The following WDR17 variants were observed in gnomAD, a reference collection of about 807,000 sequenced individuals.
WDR17 encodes WD repeat domain 17.
WDR17 carries 143 observed loss-of-function variants against 161.7 expected under a neutral mutation model. The ratio of observed to expected loss-of-function variants is 0.88; its 90% confidence interval spans 0.77 to 1.02. The LOEUF (loss-of-function observed/expected upper bound fraction) is 1.02, where lower values mean the gene tolerates loss of function less well. WDR17 is among the 50% of genes least tolerant of loss of function. WDR17 has a pLI of 0.00. For missense variants in WDR17, 1,469 were observed against 1,520.9 expected, an observed-to-expected ratio of 0.97 and a Z score of 0.57; for synonymous variants, 517 against 515.6, an observed-to-expected ratio of 1.00 and a Z score of -0.04.
chr4:176,159,771 C>G (rs1048989724), intron 18 of WDR17, among the ~76,000 whole-genome samples: 1 of 152,142 alleles, frequency 6.6e-6, no homozygotes, highest in Non-Finnish European at 1.5e-5. Context: ...TATTTTATGT[C>G]ATGTTCTAAA....
intron 1 of WDR17, among the ~76,000 whole-genome samples, chr4:176,095,960 TG>T (rs1258205026): frequency 6.6e-6 from 1 of 152,136 alleles, no homozygotes; most frequent in Admixed American, 6.6e-5. Context: ...CTGTATTAAA[TG>T]GTGTCTTTAA....
At chr4:176,072,758 A>C (rs563264753) in intron 1 of WDR17, among the ~76,000 whole-genome samples, 2 of 152,192 alleles carry the variant, frequency 1.3e-5, no homozygotes, top group African/African-American at 2.4e-5. Context: ...ACATTTCAAC[A>C]ATGTGTTTTT....
At position 176,146,019 on chromosome 4, in the gene WDR17, A is replaced by G; in HGVS notation, c.1554A>G (p.Glu518=). 6.2e-7 allele frequency: 1 copy of G among 1,613,862 alleles called. No individual in the cohort carries two copies. The highest frequency in any genetic ancestry group is 8.5e-7 in the Non-Finnish European group (1 of 1,179,858). Residue 518 remains glutamate, a synonymous_variant, in exon 12 of 29, where the codon GAA becomes GAG. Coordinates refer to ENST00000508596, the MANE Select transcript of WDR17 (RefSeq NM_181265.4). ...GAGACATGATAGCCACTGGCTGTGAAGACACAAATGTTCGTGTTTATTATG... is the reference window on the plus strand; with the variant it reads ...GAGACATGATAGCCACTGGCTGTGAGGACACAAATGTTCGTGTTTATTATG... ...NNKDMIATGC[E]DTNVRVYYVA... is the part of the protein sequence containing the mutation.
intron 1 of WDR17, among the ~76,000 whole-genome samples, chr4:176,067,159 C>T (rs1732635749): frequency 6.6e-6 from 1 of 152,122 alleles, no homozygotes; most frequent in African/African-American, 2.4e-5. Context: ...CCTAAGTGTT[C>T]AAGAAAATGG....
intron 4 of WDR17, among the ~76,000 whole-genome samples, chr4:176,121,805 C>T (rs1741632902): frequency 6.6e-6 from 1 of 152,096 alleles, no homozygotes; most frequent in African/African-American, 2.4e-5. Context: ...AAAAAGACTA[C>T]CTTTGTTTTC....
Position 176,066,694 on chromosome 4 carries a change from G to A in WDR17, c.-7+615G>A, listed in dbSNP as rs182369979. ...TTAAATATATTAATTAAAAGCAATT[G>A]ATTCGAATGAAAAGTAATGAAAAGT... On this transcript the variant is annotated intron_variant, in intron 1 of 28. Transcript: ENST00000508596. Among the ~76,000 whole-genome samples the A allele has an allele frequency of 5.7e-3, 874 of 152,072 alleles. 7 individuals are homozygous for A. Among genetic ancestry groups the A allele is most frequent in the African/African-American group, 0.02 (839 of 41,486 alleles).
rs1221963772 is a variant in WDR17, at chr4:176,177,496, C to A, written c.3574C>A (p.Pro1192Thr). 1 of 1,577,922 alleles carries A rather than the reference C, an allele frequency of 6.3e-7. No individual in the cohort carries two copies. The highest frequency in any genetic ancestry group is 8.5e-7 in the Non-Finnish European group (1 of 1,169,772). The change falls in exon 28 of 29, where the codon CCC (proline) becomes ACC (threonine). Residue 1192 changes from proline (P) to threonine (T), a missense_variant. By Grantham distance (38) the Pro-to-Thr change is conservative. Transcript: ENST00000508596. ...NRSLEDSPYT[P>T]PSDSQRMIYA... ...ATCATTAGAAGACTCTCCGTATACA[C>A]CCCCTTCTGATTCACAAAGAATGAT...
intron 1 of WDR17, among the ~76,000 whole-genome samples, chr4:176,080,433 A>C (rs1019856885): frequency 2.0e-5 from 3 of 151,980 alleles, no homozygotes; most frequent in Admixed American, 6.6e-5. Flanking sequence ...ATGAGGAATC[A>C]AAACAAAAAG....
At chr4:176,144,958 T>A (rs1352729399) in intron 11 of WDR17, among the ~76,000 whole-genome samples, 1 of 152,168 alleles carries the variant, frequency 6.6e-6, no homozygotes, top group Non-Finnish European at 1.5e-5. Flanking sequence ...GAAACTGTCT[T>A]GTTTATCAGT....
intron 7 of WDR17, 70 bp downstream of exon 7, chr4:176,131,808 C>A: frequency 8.6e-7 from 1 of 1,164,922 alleles, no homozygotes; most frequent in Non-Finnish European, 1.1e-6. Context: ...TTACTTTTAC[C>A]TGTCTGAATA....
At chr4:176,168,884 G>A in intron 23 of WDR17, 101 bp downstream of exon 23, 1 of 1,389,154 alleles carries the variant, frequency 7.2e-7, no homozygotes. Flanking sequence ...AAACAAATGT[G>A]TGGTCCCTTT....
At chr4:176,095,128 T>C (rs1736654060) in intron 1 of WDR17, among the ~76,000 whole-genome samples, 1 of 152,034 alleles carries the variant, frequency 6.6e-6, no homozygotes, top group Admixed American at 6.6e-5. Flanking sequence ...AAAAAGCTGA[T>C]GGCAGGACTT....
rs373224656 is a variant in WDR17, at chr4:176,174,659, A to T, written c.3390A>T (p.Ala1130=). 1 of 1,612,548 alleles carries T rather than the reference A, an allele frequency of 6.2e-7. No homozygotes were observed. Among genetic ancestry groups the T allele is most frequent in the Non-Finnish European group, 8.5e-7 (1 of 1,179,022 alleles). Residue 1130 remains alanine, a synonymous_variant, in exon 26 of 29, where the codon GCA becomes GCT. Transcript: ENST00000508596. ...ELLILCGYIG[A]LLAIRRQYQS... is the part of the protein sequence containing the mutation. ...TGATATTATGTGGTTACATTGGTGC[A>T]TTACTGGCTATCAGAAGACAGTACC... is the stretch of plus-strand genomic sequence containing the variant.
At chr4:176,138,956 A>G (rs1232198445) in intron 9 of WDR17, among the ~76,000 whole-genome samples, 3 of 151,804 alleles carry the variant, frequency 2.0e-5, no homozygotes, top group Non-Finnish European at 4.4e-5. Context: ...CATAAATGCA[A>G]TTTTCATGGG....
chr4:176,095,987 AG>A (rs1736797971), intron 1 of WDR17, among the ~76,000 whole-genome samples: 1 of 152,142 alleles, frequency 6.6e-6, no homozygotes, highest in Admixed American at 6.6e-5. Context: ...TTGACGGGTT[AG>A]GTGGTTAGCA....
chr4:176,160,935 C>G lies in WDR17; in HGVS notation c.2683C>G (p.Pro895Ala). The part of the protein sequence containing the change: ...AQAACEGNMQ[P>A]LHVSVPKGAS... ...GGCTGCTTGTGAAGGAAATATGCAG[C>G]CCTTACATGTTTCCGTGCCTAAAGG... Residue 895 changes from proline to alanine, a missense_variant, in exon 20 of 29, where the codon CCC (proline) becomes GCC (alanine). Transcript: ENST00000508596. 1 of 1,607,030 alleles carries G rather than the reference C, an allele frequency of 6.2e-7. No homozygotes were observed. Among genetic ancestry groups the G allele is most frequent in the Non-Finnish European group, 8.5e-7 (1 of 1,176,920 alleles).
intron 22 of WDR17, among the ~76,000 whole-genome samples, chr4:176,164,841 T>C (rs1749535018): frequency 6.6e-6 from 1 of 152,138 alleles, no homozygotes; most frequent in African/African-American, 2.4e-5. Flanking sequence ...TCAGTGTACT[T>C]AATGGTGACT....
At position 176,077,139 on chromosome 4, in the gene WDR17, C is replaced by A. The variant is rs554009158; in HGVS notation, c.-7+11060C>A. Among the ~76,000 whole-genome samples, 35 of 148,478 alleles carry A rather than the reference C, an allele frequency of 2.4e-4. No homozygotes were observed. In the South Asian group the frequency reaches 7.4e-3, roughly 31 times the overall value. ...TTAGAGTATAGTACTACTGTCTTAT[C>A]TCACTTTTTCTCCCAATTTTTTTTT... On this transcript the variant is annotated intron_variant, in intron 1 of 28. Coordinates refer to ENST00000508596, the MANE Select transcript of WDR17 (RefSeq NM_181265.4).
At chr4:176,094,674 A>G (rs1351808930) in intron 1 of WDR17, among the ~76,000 whole-genome samples, 1 of 152,210 alleles carries the variant, frequency 6.6e-6, no homozygotes, top group Non-Finnish European at 1.5e-5. Context: ...GTTTCATTAA[A>G]AGTAGTGGCA....
Sources: gnomAD v4.1 joint callset for allele counts (sites outside exome capture counted in the v4.1 genomes callset) on GRCh38, gnomAD v4.1.1 for gene constraint, MANE v1.5 for transcripts, NCBI Gene and HGNC (gene_info 2026-07-23, HGNC 2026-07-21) for gene names.